The following GALNT13 variants were observed in gnomAD, a reference collection of about 807,000 sequenced individuals.
GALNT13 encodes UDP-GalNAc:polypeptide N-acetylgalactosaminyltransferase 13.
In GALNT13, 28 loss-of-function variants were observed where a neutral mutation model predicts 64.2. That is an observed-to-expected ratio of 0.44 (90% confidence interval 0.32 to 0.60). The LOEUF (loss-of-function observed/expected upper bound fraction) is 0.60, where lower values mean the gene tolerates loss of function less well. Among genes scored for constraint, GALNT13 ranks in the 20% least tolerant of loss-of-function variants. The probability of loss-of-function intolerance (pLI) is 0.05; values close to 1 mark genes in which losing one functional copy is unlikely to be tolerated. For synonymous variants in GALNT13, 214 were observed against 224.6 expected, an observed-to-expected ratio of 0.95 and a Z score of 0.42; for missense variants, 577 against 669.8, an observed-to-expected ratio of 0.86 and a Z score of 1.53.
At chr2:154,080,245 C>T (rs776038931) in intron 3 of GALNT13, among the ~76,000 whole-genome samples, 32 of 151,520 alleles carry the variant, frequency 2.1e-4, no homozygotes, top group Non-Finnish European at 3.8e-4. Flanking sequence ...AGCTGGAGTA[C>T]GGCTACTCTT....
chr2:153,745,032 CAT>C, the GALNT13 span, among the ~76,000 whole-genome samples: 1 of 152,048 alleles, frequency 6.6e-6, no homozygotes, highest in Non-Finnish European at 1.5e-5. Flanking sequence ...TTCAGAGAAA[CAT>C]AGGCTATCAG....
the GALNT13 span, among the ~76,000 whole-genome samples, chr2:153,314,607 A>T: frequency 1.3e-5 from 2 of 152,200 alleles, no homozygotes; most frequent in Non-Finnish European, 2.9e-5. Context: ...ACAATGGAAT[A>T]AAATTAGAAG....
chr2:153,325,478 T>G, the GALNT13 span, among the ~76,000 whole-genome samples: 1 of 152,184 alleles, frequency 6.6e-6, no homozygotes, highest in Admixed American at 6.6e-5. Context: ...TTGAAATGCT[T>G]TTTGTGTGTC....
rs1374504443 is a variant in GALNT13 at position 154,225,189 on chromosome 2, GATAGATAC to G, written c.312-16839_312-16832del. On this transcript the variant is annotated intron_variant, in intron 4 of 12. Coordinates refer to ENST00000392825, the MANE Select transcript of GALNT13 (RefSeq NM_052917.4). The stretch of plus-strand genomic sequence containing the variant: ...AGATAGATAGATAGATAGATAGATA[GATAGATAC>G]AGAGACTGAGAGACTGAGAGAAAAT... Among the ~76,000 whole-genome samples the G allele has an allele frequency of 7.9e-4, 120 of 151,522 alleles. No homozygotes were observed. In the East Asian group the frequency reaches 0.016, roughly 20 times the overall value.
chr2:154,014,600 T>C (rs892963890), intron 3 of GALNT13, among the ~76,000 whole-genome samples: 2 of 150,620 alleles, frequency 1.3e-5, no homozygotes, highest in Non-Finnish European at 3.0e-5. Context: ...GTTGTTGTTT[T>C]GTTTTTCTTA....
chr2:154,274,327 A>C (rs1691519202), intron 8 of GALNT13, among the ~76,000 whole-genome samples: 1 of 152,166 alleles, frequency 6.6e-6, no homozygotes. Context: ...GAAATAAAAA[A>C]TTTAAGGGTA....
At chr2:153,313,360 T>C in the GALNT13 span, among the ~76,000 whole-genome samples, 10 of 152,260 alleles carry the variant, frequency 6.6e-5, 2 homozygotes, top group African/African-American at 2.4e-4. Context: ...TGAAATACTA[T>C]GTAGCCATAA....
At chr2:153,145,463 G>T in the GALNT13 span, among the ~76,000 whole-genome samples, 1 of 151,894 alleles carries the variant, frequency 6.6e-6, no homozygotes. Context: ...CATTTCAAAG[G>T]TTGCTGATTA....
chr2:154,273,940 G>A (rs976987708), intron 8 of GALNT13, among the ~76,000 whole-genome samples: 2 of 151,836 alleles, frequency 1.3e-5, no homozygotes, highest in Non-Finnish European at 2.9e-5. Context: ...TACAAGTATT[G>A]TTATAATGGA....
At chr2:153,696,881 A>T in the GALNT13 span, among the ~76,000 whole-genome samples, 1 of 152,166 alleles carries the variant, frequency 6.6e-6, no homozygotes, top group East Asian at 1.9e-4. Context: ...TAAATGTGAG[A>T]TCTACATTTC....
chr2:154,082,299 T>C (rs1379177834), intron 3 of GALNT13, among the ~76,000 whole-genome samples: 2 of 151,724 alleles, frequency 1.3e-5, no homozygotes, highest in Non-Finnish European at 3.0e-5. Flanking sequence ...GGGATTTTCC[T>C]CTGTCTTATG....
chr2:153,697,470 T>G, the GALNT13 span, among the ~76,000 whole-genome samples: 1 of 152,162 alleles, frequency 6.6e-6, no homozygotes, highest in African/African-American at 2.4e-5. Context: ...GGCCCTGGGA[T>G]GTGTCACCTC....
the GALNT13 span, among the ~76,000 whole-genome samples, chr2:153,744,308 G>T: frequency 1.3e-5 from 2 of 152,006 alleles, no homozygotes; most frequent in African/African-American, 4.8e-5. Flanking sequence ...ATGTGCAAGG[G>T]TTCCCTTTTC....
At chr2:153,960,363 G>A (rs1346883204) in intron 3 of GALNT13, among the ~76,000 whole-genome samples, 1 of 152,190 alleles carries the variant, frequency 6.6e-6, no homozygotes, top group African/African-American at 2.4e-5. Flanking sequence ...AGGATTCTTG[G>A]CTTTGCCCAG....
chr2:154,277,332 G>A lies in GALNT13; in HGVS notation c.975+18194G>A, dbSNP rs189204064. Among the ~76,000 whole-genome samples, 259 of 152,096 alleles carry A rather than the reference G, an allele frequency of 1.7e-3. 1 individual carries two copies. Among genetic ancestry groups the A allele is most frequent in the African/African-American group, 6.0e-3 (250 of 41,494 alleles). Reference sequence around the variant, plus strand: ...TCAGTTAGGAAACCTACTGAACCTCGCTCGTCAAAATTAATGCATTCAAAA... The same window carrying A: ...TCAGTTAGGAAACCTACTGAACCTCACTCGTCAAAATTAATGCATTCAAAA... On this transcript the variant is annotated intron_variant, in intron 8 of 12. Coordinates refer to ENST00000392825, the MANE Select transcript of GALNT13 (RefSeq NM_052917.4).
chr2:154,242,454 G>T (rs2105870899), intron 5 of GALNT13, among the ~76,000 whole-genome samples: 1 of 152,072 alleles, frequency 6.6e-6, no homozygotes, highest in African/African-American at 2.4e-5. Context: ...CAGCCAAAAT[G>T]ACTTTCAAAA....
At chr2:153,928,719 A>C (rs1690315824) in intron 2 of GALNT13, among the ~76,000 whole-genome samples, 3 of 152,130 alleles carry the variant, frequency 2.0e-5, no homozygotes, top group African/African-American at 4.8e-5. Flanking sequence ...TTTCTTTATG[A>C]GGACTTCTTA....
the GALNT13 span, among the ~76,000 whole-genome samples, chr2:153,793,566 C>G: frequency 6.6e-6 from 1 of 151,754 alleles, no homozygotes; most frequent in East Asian, 1.9e-4. Flanking sequence ...TCTCTCACTT[C>G]TGAAATCAAA....
the GALNT13 span, among the ~76,000 whole-genome samples, chr2:153,649,210 G>A: frequency 6.6e-6 from 1 of 152,112 alleles, no homozygotes; most frequent in Admixed American, 6.6e-5. Flanking sequence ...TATGTTTCAA[G>A]GAATTTATCC....
Sources: gnomAD v4.1 joint callset for allele counts (sites outside exome capture counted in the v4.1 genomes callset) on GRCh38, gnomAD v4.1.1 for gene constraint, MANE v1.5 for transcripts, NCBI Gene and HGNC (gene_info 2026-07-23, HGNC 2026-07-21) for gene names.